Variants in NRG3 observed in about 807,000 individuals in gnomAD.
The protein encoded by NRG3 is pro-neuregulin-3, membrane-bound isoform.
Under a neutral mutation model 66.9 loss-of-function variants are expected in NRG3, and 31 were observed. The observed-to-expected ratio is 0.46, with a 90% CI of 0.35 to 0.63. The LOEUF is 0.63. Among genes scored for constraint, NRG3 ranks in the 20% least tolerant of loss-of-function variants. NRG3 has a pLI of 0.00. For missense variants in NRG3, 910 were observed against 878.9 expected (o/e 1.04, Z -0.45); for synonymous variants, 393 against 359.4 (o/e 1.09, Z -1.06).
Position 82,660,932 on chromosome 10 carries a change from T to G in NRG3, c.954-77645T>G, listed in dbSNP as rs142970989. 8.8e-3 allele frequency among the ~76,000 whole-genome samples: 1,336 copies of G among 152,292 alleles called. 22 individuals are homozygous for G. Among genetic ancestry groups the G allele is most frequent in the African/African-American group, 0.031 (1,291 of 41,550 alleles). The stretch of plus-strand genomic sequence containing the variant: ...TTTCAATGTCCTCCCTCTTCCATTT[T>G]TAGAACATATCCTATTTTTTCTAAG... On this transcript the variant is annotated intron_variant, in intron 2 of 8. Coordinates refer to ENST00000372141, the MANE Select transcript of NRG3 (RefSeq NM_001010848.4).
At chr10:82,640,276 G>T (rs2050481115) in intron 2 of NRG3, among the ~76,000 whole-genome samples, 1 of 152,198 alleles carries the variant, frequency 6.6e-6, no homozygotes, top group South Asian at 2.1e-4. Flanking sequence ...TTGATCAGTG[G>T]TAGACTTGAT....
chr10:82,377,956 C>T (rs1450145573), intron 2 of NRG3, among the ~76,000 whole-genome samples: 1 of 152,212 alleles, frequency 6.6e-6, no homozygotes, highest in African/African-American at 2.4e-5. Flanking sequence ...ATTTGACCAT[C>T]ATTTCTTTTA....
intron 1 of NRG3, among the ~76,000 whole-genome samples, chr10:81,886,973 G>T (rs1842660026): frequency 6.6e-6 from 1 of 151,956 alleles, no homozygotes; most frequent in Non-Finnish European, 1.5e-5. Flanking sequence ...GTACTTTTTT[G>T]TATTATCTAA....
At chr10:82,665,702 C>T (rs955559831) in intron 2 of NRG3, among the ~76,000 whole-genome samples, 15 of 152,144 alleles carry the variant, frequency 9.9e-5, no homozygotes, top group African/African-American at 3.4e-4. Flanking sequence ...AATTCAGGAA[C>T]TTCAGTGCAC....
intron 1 of NRG3, among the ~76,000 whole-genome samples, chr10:82,036,322 A>C (rs1233167092): frequency 2.0e-5 from 3 of 152,134 alleles, no homozygotes; most frequent in Non-Finnish European, 4.4e-5. Flanking sequence ...CATTAAACCC[A>C]AAGAGTCCTA....
chr10:82,875,030 T>A (rs1414962792), intron 4 of NRG3, among the ~76,000 whole-genome samples: 1 of 152,196 alleles, frequency 6.6e-6, no homozygotes, highest in Non-Finnish European at 1.5e-5. Flanking sequence ...TATTCAGAAT[T>A]ATAACTGCCA....
intron 1 of NRG3, among the ~76,000 whole-genome samples, chr10:82,199,383 G>C (rs1026296526): frequency 6.6e-6 from 1 of 151,946 alleles, no homozygotes; most frequent in Non-Finnish European, 1.5e-5. Flanking sequence ...CTGATATGTT[G>C]GTGCAGCTCT....
chr10:82,804,652 G>A (rs1247514001), intron 3 of NRG3, among the ~76,000 whole-genome samples: 1 of 152,160 alleles, frequency 6.6e-6, no homozygotes, highest in Non-Finnish European at 1.5e-5. Flanking sequence ...AAATGAGAAT[G>A]CATATGTGAA....
intron 1 of NRG3, among the ~76,000 whole-genome samples, chr10:81,957,322 A>G (rs1849933114): frequency 6.6e-6 from 1 of 152,020 alleles, no homozygotes; most frequent in African/African-American, 2.4e-5. Context: ...TCTCTACCTA[A>G]TAGTGTTATT....
intron 2 of NRG3, among the ~76,000 whole-genome samples, chr10:82,504,222 T>A (rs1002535888): frequency 6.6e-6 from 1 of 152,206 alleles, no homozygotes. Flanking sequence ...AATGGGGCAC[T>A]CATTGAGTAC....
intron 3 of NRG3, among the ~76,000 whole-genome samples, chr10:82,766,112 GC>G (rs796104874): frequency 3.7e-4 from 56 of 152,242 alleles, no homozygotes; most frequent in African/African-American, 1.3e-3. Flanking sequence ...AATGCAAAAT[GC>G]TCGTGAAGAA....
chr10:82,278,979 G>A (rs371276682), intron 1 of NRG3, among the ~76,000 whole-genome samples: 7 of 152,050 alleles, frequency 4.6e-5, no homozygotes, highest in East Asian at 3.9e-4. Context: ...CTTCTTTTAC[G>A]ATATTGCACA....
At chr10:82,308,957 G>T (rs979017494) in intron 1 of NRG3, among the ~76,000 whole-genome samples, 1 of 152,138 alleles carries the variant, frequency 6.6e-6, no homozygotes, top group Non-Finnish European at 1.5e-5. Flanking sequence ...TCAGCCTAAG[G>T]TATAAACAAG....
chr10:81,912,523 A>T (rs1224779255), intron 1 of NRG3, among the ~76,000 whole-genome samples: 3 of 152,222 alleles, frequency 2.0e-5, no homozygotes, highest in African/African-American at 7.2e-5. Context: ...TGCCCAGCCT[A>T]TACAGAATAT....
intron 1 of NRG3, among the ~76,000 whole-genome samples, chr10:81,887,833 G>A (rs1451477089): frequency 6.6e-6 from 1 of 152,130 alleles, no homozygotes; most frequent in Non-Finnish European, 1.5e-5. Context: ...AGGAGGGGCA[G>A]GTAGTGAATG....
At position 81,875,421 on chromosome 10, in the gene NRG3, G is replaced by A. The variant is rs1338253775; in HGVS notation, c.81G>A (p.Ala27=). The change falls in exon 1 of 9, where the codon GCG becomes GCA. Residue 27 remains alanine, a synonymous_variant. Transcript: ENST00000372141. The surrounding 1 kb of genome is among the most constrained non-coding windows in gnomAD (Gnocchi z 5.3). ...AAASAEEGTA[A]AAAAAAAGGG... is the part of the protein sequence containing the mutation. ...CCTCGGCCGAGGAGGGCACCGCGGC[G>A]GCTGCGGCGGCGGCAGCGGCGGGCG... is the stretch of plus-strand genomic sequence containing the variant. The A allele has an allele frequency of 1.1e-5, 12 of 1,077,622 alleles. No individual in the cohort carries two copies. Among genetic ancestry groups the A allele is most frequent in the Non-Finnish European group, 1.3e-5 (12 of 891,206 alleles). The allele number at this position is 1,077,622 out of a possible 1,614,324, so 66.8% of individuals were successfully genotyped here.
At chr10:82,178,882 C>T (rs2073223739) in intron 1 of NRG3, among the ~76,000 whole-genome samples, 2 of 151,990 alleles carry the variant, frequency 1.3e-5, no homozygotes, top group African/African-American at 4.8e-5. Context: ...TTTGTCAACA[C>T]TTGTTATTTT....
intron 1 of NRG3, among the ~76,000 whole-genome samples, chr10:82,147,165 A>G (rs904909512): frequency 3.3e-5 from 5 of 152,190 alleles, no homozygotes; most frequent in African/African-American, 9.6e-5. Context: ...ACAAATCACT[A>G]ACATCTATTA....
chr10:82,764,302 T>A (rs114184010), intron 3 of NRG3, among the ~76,000 whole-genome samples: 12 of 152,260 alleles, frequency 7.9e-5, no homozygotes, highest in African/African-American at 2.6e-4. Context: ...TCTAGAGTGC[T>A]TGGATTACAG....
Sources: allele counts gnomAD v4.1 joint callset (sites outside exome capture counted in the v4.1 genomes callset), GRCh38; gene constraint gnomAD v4.1.1; non-coding constraint Gnocchi (gnomAD v3.1); transcripts MANE v1.5; gene names NCBI Gene and HGNC (gene_info 2026-07-23, HGNC 2026-07-21).